ASIC5: variants seen among roughly 807,000 people sequenced by gnomAD.
ASIC5 encodes the protein acid sensing ion channel subunit family member 5.
A neutral mutation model predicts 51.2 loss-of-function variants in ASIC5; 52 were observed. The ratio of observed to expected loss-of-function variants is 1.02; its 90% CI spans 0.81 to 1.28. The LOEUF (loss-of-function observed/expected upper bound fraction) is 1.28. Ranked by LOEUF, ASIC5 falls within the 50% of genes most tolerant of loss-of-function variation. ASIC5 has a pLI of 0.00. For missense variants in ASIC5, 635 were observed against 595.0 expected (o/e 1.07, Z -0.70); for synonymous variants, 231 against 200.7 (o/e 1.15, Z -1.28).
At position 155,829,753 on chromosome 4, in the gene ASIC5, T is replaced by C. The variant is rs546681476; in HGVS notation, c.*103A>G. On this transcript the variant is annotated 3_prime_UTR_variant, in exon 10 of 10. Coordinates refer to ENST00000537611, the MANE Select transcript of ASIC5 (RefSeq NM_017419.3). Reference sequence around the variant, plus strand: ...GAAGAGATACATATCTTTAATGGCTTTTATCGAACTCTCAAAACTATAGAA... The same window carrying C: ...GAAGAGATACATATCTTTAATGGCTCTTATCGAACTCTCAAAACTATAGAA... 86 of 687,772 alleles carry C rather than the reference T, an allele frequency of 1.3e-4. No individual in the cohort carries two copies. In the African/African-American group the frequency reaches 1.3e-3, roughly 10 times the overall value. The allele number at this position is 687,772 out of a possible 1,614,324, so 42.6% of individuals were successfully genotyped here.
intron 7 of ASIC5, 63 bp from the exon 8 acceptor site, chr4:155,836,920 T>A: frequency 2.5e-6 from 3 of 1,222,514 alleles, no homozygotes; most frequent in Non-Finnish European, 3.4e-6. Context: ...GGTAGGATAG[T>A]TTTATAAAGT....
chr4:155,856,783 T>C (rs1741552364), intron 2 of ASIC5, among the ~76,000 whole-genome samples: 1 of 151,990 alleles, frequency 6.6e-6, no homozygotes, highest in South Asian at 2.1e-4. Flanking sequence ...AACAATCTGC[T>C]CCAAAACCCT....
chr4:155,848,983 T>A (rs1178217384), intron 4 of ASIC5, among the ~76,000 whole-genome samples: 1 of 152,110 alleles, frequency 6.6e-6, no homozygotes, highest in Non-Finnish European at 1.5e-5. Context: ...CTCCAGAATT[T>A]GGAAACTATT....
rs143008850 is a variant in ASIC5 at position 155,829,758 on chromosome 4, C to T, written c.*98G>A. The T allele has an allele frequency of 1.3e-3, 924 of 703,592 alleles. 5 individuals are homozygous for T. The African/African-American group carries it at 0.015, about 11-fold the overall frequency. The allele number at this position is 703,592 out of a possible 1,614,324, so 43.6% of individuals were successfully genotyped here. On this transcript the variant is annotated 3_prime_UTR_variant, in exon 10 of 10. Transcript: ENST00000537611. ...GATACATATCTTTAATGGCTTTTATCGAACTCTCAAAACTATAGAAAAGTG... is the reference window on the plus strand; with the variant it reads ...GATACATATCTTTAATGGCTTTTATTGAACTCTCAAAACTATAGAAAAGTG...
At chr4:155,858,816 C>T (rs1179478346) in intron 2 of ASIC5, 1 of 152,034 alleles carries the variant, frequency 6.6e-6, no homozygotes, top group East Asian at 1.9e-4. Flanking sequence ...ATGTGTTTGT[C>T]TGGTGCTCAG....
chr4:155,835,832 T>G (rs1310088207), intron 8 of ASIC5, among the ~76,000 whole-genome samples: 8 of 152,220 alleles, frequency 5.3e-5, no homozygotes, highest in African/African-American at 1.9e-4. Flanking sequence ...ATGGGAATTT[T>G]TTTTTATTTT....
chr4:155,851,717 G>A (rs1337185774), intron 4 of ASIC5, among the ~76,000 whole-genome samples: 1 of 151,814 alleles, frequency 6.6e-6, no homozygotes, highest in Non-Finnish European at 1.5e-5. Flanking sequence ...GCTGGGCTTG[G>A]ACAAAATCTA....
At chr4:155,848,161 T>C (rs951729283) in intron 4 of ASIC5, among the ~76,000 whole-genome samples, 1 of 151,968 alleles carries the variant, frequency 6.6e-6, no homozygotes, top group Admixed American at 6.6e-5. Flanking sequence ...GTTTTTTTCT[T>C]TTTTTAAAAA....
chr4:155,863,815 A>G (rs1741787542), intron 1 of ASIC5, 61 bp from the exon 2 acceptor site: 8 of 1,378,072 alleles, frequency 5.8e-6, no homozygotes, highest in African/African-American at 2.9e-5. Context: ...CCTTAATGCT[A>G]TCCGTAAAAA....
chr4:155,843,977 G>A (rs1182554091), intron 4 of ASIC5, 147 bp from the exon 5 acceptor site: 2 of 840,138 alleles, frequency 2.4e-6, no homozygotes, highest in Non-Finnish European at 3.6e-6. Flanking sequence ...TGTCTAAAGT[G>A]TATGAAAATT....
intron 2 of ASIC5, among the ~76,000 whole-genome samples, chr4:155,861,099 A>G (rs967874907): frequency 2.6e-5 from 4 of 151,850 alleles, no homozygotes; most frequent in African/African-American, 9.7e-5. Context: ...ATTTTATTCT[A>G]TTGTGATTGA....
At position 155,838,815 on chromosome 4, in the gene ASIC5, A is replaced by G. The variant is rs760570943; in HGVS notation, c.1064T>C (p.Leu355Pro). The change falls in exon 7 of 10, where the codon CTT (leucine) becomes CCT (proline). Residue 355 changes from leucine (L) to proline (P), a missense_variant and splice_region_variant. Leu to Pro is a moderately conservative substitution (Grantham distance 98, BLOSUM62 -3). Transcript: ENST00000537611. ...ATAAAAGTAAATTAAGCACTTACCAAGTACAGGAGAAACACAGCTGAAGTA... is the reference window on the plus strand; with the variant it reads ...ATAAAAGTAAATTAAGCACTTACCAGGTACAGGAGAAACACAGCTGAAGTA... ...QKYFSCVSPV[L>P]DHIEFKDLCT... 1.9e-6 allele frequency: 3 copies of G among 1,574,704 alleles called. No individual in the cohort carries two copies. The highest frequency in any genetic ancestry group is 2.6e-6 in the Non-Finnish European group (3 of 1,147,178).
At position 155,834,413 on chromosome 4, in the gene ASIC5, C is replaced by T. The variant is rs557881089; in HGVS notation, c.1235+2276G>A. Among the ~76,000 whole-genome samples the T allele has an allele frequency of 3.3e-5, 5 of 152,256 alleles. No individual in the cohort carries two copies. In the East Asian group the frequency reaches 5.8e-4, roughly 18 times the overall value. On this transcript the variant is annotated intron_variant, in intron 8 of 9. Coordinates refer to ENST00000537611, the MANE Select transcript of ASIC5 (RefSeq NM_017419.3). ...TTTACCACTCTCTAATTTCCAGTAC[C>T]TTTGCACAAACCAGTTGCTTAATTA...
intron 1 of ASIC5, 113 bp from the exon 2 acceptor site, chr4:155,863,867 G>A (rs956875985): frequency 1.2e-6 from 1 of 827,152 alleles, no homozygotes; most frequent in Non-Finnish European, 1.8e-6. Flanking sequence ...CTTTTTACTT[G>A]TAATTCATAG....
chr4:155,851,678 C>T (rs568100306), intron 4 of ASIC5, among the ~76,000 whole-genome samples: 1 of 151,934 alleles, frequency 6.6e-6, no homozygotes, highest in African/African-American at 2.4e-5. Flanking sequence ...ACACTTAGAA[C>T]TTATTAGGTC....
At chr4:155,855,293 A>T (rs539171662) in intron 2 of ASIC5, 2 of 152,110 alleles carry the variant, frequency 1.3e-5, no homozygotes, top group South Asian at 4.1e-4. Context: ...TTTTTCTTAA[A>T]ATTTTTAGAC....
At chr4:155,856,282 AG>A (rs1486241843) in intron 2 of ASIC5, among the ~76,000 whole-genome samples, 1 of 152,098 alleles carries the variant, frequency 6.6e-6, no homozygotes, top group East Asian at 1.9e-4. Context: ...GCCTATCTTT[AG>A]GGGGCCAACA....
intron 6 of ASIC5, among the ~76,000 whole-genome samples, chr4:155,840,715 T>C (rs770049683): frequency 1.3e-5 from 2 of 151,982 alleles, no homozygotes; most frequent in Non-Finnish European, 2.9e-5. Flanking sequence ...AGATTGCCTA[T>C]ATAGGGCTAA....
At chr4:155,864,864 A>C (rs529478077) in intron 1 of ASIC5, 217 of 152,226 alleles carry the variant, frequency 1.4e-3, no homozygotes, top group African/African-American at 5.0e-3. Context: ...AAGTATCTTA[A>C]AAAATTAGTT....
Sources: gnomAD v4.1 joint callset for allele counts (sites outside exome capture counted in the v4.1 genomes callset) on GRCh38, gnomAD v4.1.1 for gene constraint, MANE v1.5 for transcripts, NCBI Gene and HGNC (gene_info 2026-07-23, HGNC 2026-07-21) for gene names.